Variants in OR52I2 observed in about 807,000 individuals in gnomAD.
The protein encoded by OR52I2 is olfactory receptor 52I2.
For synonymous variants in OR52I2, 147 were observed against 151.9 expected (o/e 0.97, Z 0.24); for missense variants, 350 against 402.4 (o/e 0.87, Z 1.11).
exon 2 of OR52I2, chr11:4,591,295 G>A (rs369178873): frequency 1.3e-5 from 2 of 152,166 alleles, no homozygotes; most frequent in African/African-American, 2.4e-5. Context: ...AGTATCCAAG[G>A]GTAAGGATAT....
At chr11:4,586,986 T>A in exon 2 of OR52I2, 1 of 1,614,194 alleles carries the variant, frequency 6.2e-7, no homozygotes, top group Non-Finnish European at 8.5e-7. Flanking sequence ...TTTGGCTGGC[T>A]ATCTCACTGA....
exon 2 of OR52I2, chr11:4,586,883 C>T (rs2133186971): frequency 6.2e-7 from 1 of 1,614,142 alleles, no homozygotes; most frequent in East Asian, 2.2e-5. Context: ...AAAAAAGTCT[C>T]ACTTGTGATG....
At chr11:4,588,048 T>C (rs1846322002) in exon 2 of OR52I2, 3 of 605,446 alleles carry the variant, frequency 5.0e-6, no homozygotes, top group South Asian at 4.2e-5. Context: ...TCTCAGTGGA[T>C]TCAATCAACT....
chr11:4,587,759 C>T (rs199760467), exon 2 of OR52I2: 2 of 1,614,172 alleles, frequency 1.2e-6, no homozygotes, highest in East Asian at 2.2e-5. Flanking sequence ...ATCATCCCAG[C>T]CACCTTAAAT....
chr11:4,593,114 G>GTTAAAA (rs915097060), exon 2 of OR52I2: 10 of 152,288 alleles, frequency 6.6e-5, no homozygotes, highest in Non-Finnish European at 1.5e-4. Flanking sequence ...ACATAGTACT[G>GTTAAAA]GCACATACTG....
chr11:4,587,998 C>A, exon 2 of OR52I2: 1 of 728,348 alleles, frequency 1.4e-6, no homozygotes, highest in Non-Finnish European at 2.3e-6. Flanking sequence ...CAATTACTAG[C>A]AGGAATGTGA....
At chr11:4,585,448 A>C (rs73397799) in intron 1 of OR52I2, among the ~76,000 whole-genome samples, 3,052 of 152,266 alleles carry the variant, frequency 0.02, 105 homozygotes, top group African/African-American at 0.07. Flanking sequence ...CATCCTAAGG[A>C]GAAAGTAACT....
intron 1 of OR52I2, among the ~76,000 whole-genome samples, chr11:4,584,762 C>T (rs934555157): frequency 2.0e-5 from 3 of 152,088 alleles, no homozygotes; most frequent in Non-Finnish European, 4.4e-5. Context: ...AATCTTGCTG[C>T]GTATAGCCTG....
At chr11:4,586,619 G>A (rs74594853) in intron 1 of OR52I2, among the ~76,000 whole-genome samples, 2,522 of 152,216 alleles carry the variant, frequency 0.017, 64 homozygotes, top group African/African-American at 0.057. Flanking sequence ...GTATGGAATG[G>A]GGAAGGAAGA....
chr11:4,591,295 G>C (rs369178873), exon 2 of OR52I2: 2 of 152,166 alleles, frequency 1.3e-5, no homozygotes, highest in East Asian at 1.9e-4. Flanking sequence ...AGTATCCAAG[G>C]GTAAGGATAT....
exon 2 of OR52I2, chr11:4,591,499 T>C (rs1846350310): frequency 6.6e-6 from 1 of 152,198 alleles, no homozygotes; most frequent in East Asian, 1.9e-4. Flanking sequence ...GGTGACTCAT[T>C]AGGCTGAGCC....
exon 2 of OR52I2, chr11:4,587,416 A>G: frequency 6.2e-7 from 1 of 1,613,970 alleles, no homozygotes; most frequent in Non-Finnish European, 8.5e-7. Context: ...CTGTGGCTCC[A>G]ATGTGGTTGT....
At chr11:4,590,494 GGA>G (rs1318190731) in exon 2 of OR52I2, 2 of 152,214 alleles carry the variant, frequency 1.3e-5, no homozygotes, top group Non-Finnish European at 2.9e-5. Flanking sequence ...AAACGTAAAT[GGA>G]GATTAAAAAG....
At chr11:4,587,471 C>T (rs1320794610) in exon 2 of OR52I2, 1 of 1,614,200 alleles carries the variant, frequency 6.2e-7, no homozygotes, top group South Asian at 1.1e-5. Flanking sequence ...TTAGCATGTG[C>T]TGACCCCGTG....
intron 1 of OR52I2, among the ~76,000 whole-genome samples, chr11:4,582,398 TA>T (rs1409606179): frequency 6.6e-6 from 1 of 151,252 alleles, no homozygotes; most frequent in African/African-American, 2.4e-5. Flanking sequence ...TTATTGACAT[TA>T]AGAAACTTTT....
exon 2 of OR52I2, chr11:4,588,328 G>A (rs958245139): frequency 2.5e-5 from 4 of 161,158 alleles, no homozygotes; most frequent in East Asian, 1.8e-4. Context: ...TCTACCCTTC[G>A]CCATTAAAAA....
exon 2 of OR52I2, chr11:4,587,971 A>G: frequency 1.1e-6 from 1 of 915,098 alleles, no homozygotes; most frequent in Non-Finnish European, 1.7e-6. Context: ...TGTAAAGGAT[A>G]TCCTTGCATA....
rs1846336322 is a variant in OR52I2 at position 4,589,675 on chromosome 11, T to C, written c.*1810T>C. The stretch of plus-strand genomic sequence containing the variant: ...AGGGGTAGGTATGATATTGGCATGG[T>C]GGAGAGACAGTTTTATGGGACTAAG... On this transcript the variant is annotated 3_prime_UTR_variant, in exon 2 of 2. Coordinates refer to ENST00000641896, the Ensembl canonical transcript of OR52I2. 2.0e-5 allele frequency: 3 copies of C among 151,932 alleles called. No individual in the cohort carries two copies. In the South Asian group the frequency reaches 6.2e-4, roughly 32 times the overall value. The allele number at this position is 151,932 out of a possible 1,614,324, so 9.4% of individuals were successfully genotyped here.
chr11:4,592,152 A>C (rs544472668), exon 2 of OR52I2: 1 of 152,168 alleles, frequency 6.6e-6, no homozygotes, highest in South Asian at 2.1e-4. Flanking sequence ...CTGTTTTACT[A>C]TATTATAGCT....
Sources: allele counts gnomAD v4.1 joint callset (sites outside exome capture counted in the v4.1 genomes callset), GRCh38; gene constraint gnomAD v4.1.1; transcripts MANE v1.5; gene names NCBI Gene and HGNC (gene_info 2026-07-23, HGNC 2026-07-21).